The following RIMS2 variants were observed in gnomAD, a reference collection of about 807,000 sequenced individuals.
RIMS2 encodes regulating synaptic membrane exocytosis protein 2.
A neutral mutation model predicts 174.4 loss-of-function variants in RIMS2; 59 were observed. That is an observed-to-expected ratio of 0.34 (90% CI 0.27 to 0.42). RIMS2 has a LOEUF of 0.42. Ranked by LOEUF, RIMS2 falls within the 10% of genes least tolerant of loss-of-function variation. The probability of loss-of-function intolerance (pLI) is 1.00; values close to 1 mark genes in which losing one functional copy is unlikely to be tolerated. For missense variants in RIMS2, 1,620 were observed against 1,666.3 expected, an observed-to-expected ratio of 0.97 and a Z score of 0.48; for synonymous variants, 606 against 572.5, an observed-to-expected ratio of 1.06 and a Z score of -0.84.
chr8:103,609,706 TA>T (rs1406141450), intron 1 of RIMS2, among the ~76,000 whole-genome samples: 1 of 152,254 alleles, frequency 6.6e-6, no homozygotes, highest in African/African-American at 2.4e-5. Flanking sequence ...TGTGTCTTTG[TA>T]ACCGTTCCAT....
At chr8:103,945,283 G>T (rs1006341777) in intron 14 of RIMS2, among the ~76,000 whole-genome samples, 13 of 152,014 alleles carry the variant, frequency 8.6e-5, no homozygotes, top group African/African-American at 2.4e-4. Flanking sequence ...AATAAGTAAA[G>T]AAGTTGAATT....
At chr8:103,603,848 T>G (rs1292880615) in intron 1 of RIMS2, among the ~76,000 whole-genome samples, 5 of 150,010 alleles carry the variant, frequency 3.3e-5, no homozygotes, top group Admixed American at 6.7e-5. Context: ...TGGGGTTGTT[T>G]GTTTTTTTCT....
At chr8:103,978,081 A>T (rs538128578) in intron 16 of RIMS2, among the ~76,000 whole-genome samples, 90 of 152,192 alleles carry the variant, frequency 5.9e-4, no homozygotes, top group Admixed American at 1.8e-3. Flanking sequence ...GCATAAACTC[A>T]AAAGTTATCA....
At chr8:103,670,194 GC>G (rs2096727748) in intron 1 of RIMS2, among the ~76,000 whole-genome samples, 1 of 152,236 alleles carries the variant, frequency 6.6e-6, no homozygotes, top group Non-Finnish European at 1.5e-5. Context: ...CTGTACCTTG[GC>G]CCTTTTTAAA....
At chr8:103,601,903 A>G (rs962030717) in intron 1 of RIMS2, among the ~76,000 whole-genome samples, 2 of 152,152 alleles carry the variant, frequency 1.3e-5, no homozygotes, top group Non-Finnish European at 2.9e-5. Context: ...CACTGATAGC[A>G]TAAACAAACA....
In RIMS2 at chr8:103,766,454, A is replaced by G. The variant is rs754227465; in HGVS notation, c.615A>G (p.Arg205=). Residue 205 remains arginine (R), a synonymous_variant, in exon 3 of 24, where the codon CGA becomes CGG. Transcript: ENST00000504942. ...CTGTACCTGCAGTGGAGAAAAGTCGATCTCATGGGCTCACAAGACAGCATT... is the reference window on the plus strand; with the variant it reads ...CTGTACCTGCAGTGGAGAAAAGTCGGTCTCATGGGCTCACAAGACAGCATT... 33 of 1,613,866 alleles carry G rather than the reference A, an allele frequency of 2.0e-5. 2 individuals are homozygous for G. The Admixed American group carries it at 2.8e-4, about 14-fold the overall frequency.
intron 1 of RIMS2, among the ~76,000 whole-genome samples, chr8:103,670,657 G>A (rs2096733056): frequency 6.6e-6 from 1 of 152,166 alleles, no homozygotes; most frequent in Non-Finnish European, 1.5e-5. Context: ...AATGTTGCCA[G>A]TCTCTTTGCT....
intron 15 of RIMS2, 38 bp from the exon 18 acceptor site, chr8:103,975,312 A>G (rs2093322524): frequency 2.0e-6 from 3 of 1,487,470 alleles, no homozygotes; most frequent in East Asian, 2.4e-5. Context: ...GACTTTGTAC[A>G]TACATAACTA....
chr8:103,824,619 C>A (rs1456460098), intron 3 of RIMS2, among the ~76,000 whole-genome samples: 1 of 152,098 alleles, frequency 6.6e-6, no homozygotes, highest in Non-Finnish European at 1.5e-5. Flanking sequence ...CTGTTTTGGG[C>A]AGAGAACGCT....
intron 3 of RIMS2, among the ~76,000 whole-genome samples, chr8:103,834,676 T>TCTTTC (rs2098847839): frequency 8.3e-6 from 1 of 120,012 alleles, no homozygotes; most frequent in Non-Finnish European, 1.8e-5. Context: ...TCTGAGGTCT[T>TCTTTC]TTTCTTTCTT....
At chr8:104,091,481 T>A (rs2097656016) in intron 19 of RIMS2, among the ~76,000 whole-genome samples, 1 of 151,342 alleles carries the variant, frequency 6.6e-6, no homozygotes, top group Non-Finnish European at 1.5e-5. Flanking sequence ...CTTAAAACTT[T>A]GATTTTTGTA....
chr8:103,577,973 A>G (rs1027186106), intron 1 of RIMS2, among the ~76,000 whole-genome samples: 2 of 152,226 alleles, frequency 1.3e-5, no homozygotes, highest in African/African-American at 2.4e-5. Flanking sequence ...TCTACAAGAT[A>G]TAGAAAATTA....
chr8:104,184,145 C>A lies in RIMS2; in HGVS notation c.3335-60771C>A, dbSNP rs540114334. Among the ~76,000 whole-genome samples the A allele has an allele frequency of 7.9e-5, 12 of 151,722 alleles. No homozygotes were observed. In the South Asian group the frequency reaches 2.3e-3, roughly 29 times the overall value. ...CTACCACAGTTATGTGGGAAATGTACATAATGTGATTTTTTGTCTTGAACA... is the reference window on the plus strand; with the variant it reads ...CTACCACAGTTATGTGGGAAATGTAAATAATGTGATTTTTTGTCTTGAACA... On this transcript the variant is annotated intron_variant, in intron 19 of 23. Transcript: ENST00000504942.
chr8:104,099,565 G>A (rs1316132357), intron 19 of RIMS2, among the ~76,000 whole-genome samples: 1 of 152,100 alleles, frequency 6.6e-6, no homozygotes, highest in South Asian at 2.1e-4. Flanking sequence ...TGATGCCAGT[G>A]GTGTGTAGGT....
chr8:104,025,037 A>G (rs1597329753), intron 19 of RIMS2, among the ~76,000 whole-genome samples: 1 of 152,204 alleles, frequency 6.6e-6, no homozygotes, highest in South Asian at 2.1e-4. Flanking sequence ...AATCAAGTGT[A>G]GGAAAAAGGA....
chr8:103,917,696 G>A (rs1335162237), intron 8 of RIMS2, among the ~76,000 whole-genome samples: 1 of 152,068 alleles, frequency 6.6e-6, no homozygotes, highest in Admixed American at 6.6e-5. Context: ...TAAGAAACAT[G>A]TTTGCCTTTT....
downstream of RIMS2, chr8:104,255,670 C>G (rs1244029589): frequency 6.6e-6 from 1 of 152,222 alleles, no homozygotes; most frequent in Non-Finnish European, 1.5e-5. Context: ...CTGCCTACTA[C>G]TGATGTAAAC....
chr8:104,011,641 C>T (rs1408410473), intron 17 of RIMS2, among the ~76,000 whole-genome samples: 1 of 151,966 alleles, frequency 6.6e-6, no homozygotes, highest in Non-Finnish European at 1.5e-5. Flanking sequence ...CTCCACTTTC[C>T]ACTTGGAAAA....
In RIMS2 at chr8:103,942,478, T is replaced by G. The variant is rs150639782; in HGVS notation, c.2548-295T>G. Among the ~76,000 whole-genome samples the G allele has an allele frequency of 7.5e-3, 1,143 of 152,320 alleles. 20 individuals are homozygous for G. The highest frequency in any genetic ancestry group is 8.3e-3 in the East Asian group (43 of 5,190). The stretch of plus-strand genomic sequence containing the variant: ...CAAATATTAGTTATTATTACAGTCA[T>G]TTAAAATGAAAAGTGTTATTTTTGT... On this transcript the variant is annotated intron_variant, in intron 13 of 23. Transcript: ENST00000504942.
Sources: gnomAD v4.1 joint callset for allele counts (sites outside exome capture counted in the v4.1 genomes callset) on GRCh38, gnomAD v4.1.1 for gene constraint, MANE v1.5 for transcripts, NCBI Gene and HGNC (gene_info 2026-07-23, HGNC 2026-07-21) for gene names.